The following VPS53 variants were observed in gnomAD, a reference collection of about 807,000 sequenced individuals.
VPS53 encodes the protein vacuolar protein sorting-associated protein 53 homolog.
VPS53 carries 70 observed loss-of-function variants against 107.0 expected under a neutral mutation model. The observed-to-expected ratio is 0.65, with a 90% CI of 0.54 to 0.80. The LOEUF (loss-of-function observed/expected upper bound fraction) is 0.80. VPS53 is among the 30% of genes least tolerant of loss of function. VPS53 has a pLI of 0.00. For synonymous variants in VPS53, 409 were observed against 393.3 expected, an observed-to-expected ratio of 1.04 and a Z score of -0.47; for missense variants, 917 against 1,049.4, an observed-to-expected ratio of 0.87 and a Z score of 1.74.
intron 13 of VPS53, among the ~76,000 whole-genome samples, chr17:570,501 A>G (rs1913942902): frequency 1.3e-5 from 2 of 152,192 alleles, no homozygotes; most frequent in Non-Finnish European, 2.9e-5. Flanking sequence ...TAATGAGGAA[A>G]CATCAGACAA....
intron 15 of VPS53, among the ~76,000 whole-genome samples, chr17:557,761 A>C (rs1912565047): frequency 6.6e-6 from 1 of 152,190 alleles, no homozygotes. Flanking sequence ...ATGGTCTTCA[A>C]CTTATTTCTA....
intron 4 of VPS53, among the ~76,000 whole-genome samples, chr17:676,930 G>T (rs962021159): frequency 1.3e-5 from 2 of 151,090 alleles, no homozygotes. Context: ...GAAACATGTT[G>T]TCTATATTAA....
intron 2 of VPS53, among the ~76,000 whole-genome samples, chr17:700,594 T>C (rs764185362): frequency 5.9e-5 from 9 of 152,278 alleles, no homozygotes; most frequent in Non-Finnish European, 1.2e-4. Context: ...TTTATAATTA[T>C]TGACTATGCA....
At chr17:591,633 T>C (rs1026423013) in intron 12 of VPS53, among the ~76,000 whole-genome samples, 25 of 152,212 alleles carry the variant, frequency 1.6e-4, no homozygotes, top group African/African-American at 5.8e-4. Flanking sequence ...CATTTCGTTA[T>C]GTACCCAGTA....
At chr17:553,695 C>T (rs763677916) in intron 15 of VPS53, among the ~76,000 whole-genome samples, 6 of 151,678 alleles carry the variant, frequency 4.0e-5, no homozygotes, top group Admixed American at 2.0e-4. Flanking sequence ...CTCAGCCTCC[C>T]GAGTAGCTGG....
At chr17:639,058 A>C (rs184539) in intron 7 of VPS53, among the ~76,000 whole-genome samples, 150,780 of 152,194 alleles carry the variant, frequency 0.99, 74,711 homozygotes, top group East Asian at 1. Context: ...GTACACCAAT[A>C]AGACGTAGAT....
intron 17 of VPS53, 200 bp downstream of exon 17, chr17:551,670 GTC>G: frequency 2.6e-6 from 1 of 388,900 alleles, no homozygotes; most frequent in Non-Finnish European, 4.7e-6. Flanking sequence ...GTGATGCTCT[GTC>G]TCATTCTAAA....
At chr17:673,961 A>G (rs760841872) in intron 4 of VPS53, 4 of 152,234 alleles carry the variant, frequency 2.6e-5, no homozygotes, top group Non-Finnish European at 5.9e-5. Context: ...CAGTGCCCAA[A>G]TAAGACTAAA....
At chr17:709,527 C>T (rs939443887) in intron 2 of VPS53, among the ~76,000 whole-genome samples, 8 of 152,210 alleles carry the variant, frequency 5.3e-5, no homozygotes, top group African/African-American at 1.4e-4. Context: ...TGTTTCCTTA[C>T]CGCACTGTCC....
Position 627,178 on chromosome 17 carries a change from T to C in VPS53, c.970A>G (p.Thr324Ala), listed in dbSNP as rs1969747735. Residue 324 changes from threonine (T) to alanine (A), a missense_variant, in exon 10 of 22, where the codon ACA becomes GCA. By Grantham distance (58) the Thr-to-Ala change is moderately conservative. Transcript: ENST00000437048. Reference protein sequence around the residue: ...ERIAVEFCHVTRAELAKIMRT... With the variant: ...ERIAVEFCHVARAELAKIMRT... ...CAGTAGAGAACTGGCATCTACCTTG[T>C]CACATGGCAAAATTCCACCGCAATC... The C allele has an allele frequency of 6.2e-7, 1 of 1,612,384 alleles. No individual in the cohort carries two copies. The highest frequency in any genetic ancestry group is 1.3e-5 in the African/African-American group (1 of 74,808).
intron 7 of VPS53, among the ~76,000 whole-genome samples, chr17:644,983 G>A (rs888427550): frequency 1.3e-5 from 2 of 152,188 alleles, no homozygotes; most frequent in African/African-American, 4.8e-5. Flanking sequence ...AAATCCTCCT[G>A]TGTTTGCAGC....
intron 5 of VPS53, chr17:656,779 C>G (rs1971208480): frequency 6.1e-6 from 7 of 1,148,274 alleles, no homozygotes; most frequent in South Asian, 2.5e-5. Flanking sequence ...TCTAACATGT[C>G]ACCCACGGAC....
chr17:627,450 G>C (rs970338021), intron 9 of VPS53, 134 bp from the exon 10 acceptor site: 1 of 1,201,952 alleles, frequency 8.3e-7, no homozygotes, highest in African/African-American at 1.6e-5. Flanking sequence ...AAGAATCTAG[G>C]CTACCTTTTT....
intron 2 of VPS53, among the ~76,000 whole-genome samples, chr17:701,473 G>A (rs565725811): frequency 6.6e-6 from 1 of 151,240 alleles, no homozygotes; most frequent in Non-Finnish European, 1.5e-5. Flanking sequence ...CGACTCCCTG[G>A]TTCAAGCGAT....
At chr17:713,973 A>T (rs1597525342) in intron 1 of VPS53, among the ~76,000 whole-genome samples, 1 of 143,446 alleles carries the variant, frequency 7.0e-6, no homozygotes, top group Middle Eastern at 3.7e-3. Flanking sequence ...TGAACTCGGG[A>T]GGCGGAGGTC....
rs752011079 is a variant in VPS53 at position 631,625 on chromosome 17, C to T, written c.612G>A (p.Val204=). 2.5e-6 allele frequency: 4 copies of T among 1,613,856 alleles called. No homozygotes were observed. The South Asian group carries it at 4.4e-5, about 18-fold the overall frequency. The part of the protein sequence containing the change: ...IPQIRQLSER[V]KAAQTELGQQ... ...GTCCTAACTCAGTCTGTGCAGCCTT[C>T]ACTCTGTGAGGAAGAGAGAACATAT... Residue 204 remains valine (V), a synonymous_variant, in exon 8 of 22, where the codon GTG becomes GTA. Transcript: ENST00000437048.
chr17:701,129 G>A (rs1973181654), intron 2 of VPS53, among the ~76,000 whole-genome samples: 1 of 151,956 alleles, frequency 6.6e-6, no homozygotes, highest in African/African-American at 2.4e-5. Context: ...TTCAAGACCA[G>A]CCCAGACAAT....
intron 17 of VPS53, among the ~76,000 whole-genome samples, chr17:541,490 G>A (rs1231133209): frequency 6.7e-6 from 1 of 149,934 alleles, no homozygotes; most frequent in Non-Finnish European, 1.5e-5. Flanking sequence ...ACCAGGGGCT[G>A]AAAGAATGTT....
At chr17:607,465 G>GA (rs1175270807) in intron 11 of VPS53, among the ~76,000 whole-genome samples, 6 of 152,220 alleles carry the variant, frequency 3.9e-5, no homozygotes, top group Admixed American at 3.3e-4. Context: ...TTACTGCTCA[G>GA]ACTGACTTGC....
Sources: allele counts gnomAD v4.1 joint callset (sites outside exome capture counted in the v4.1 genomes callset), GRCh38; gene constraint gnomAD v4.1.1; transcripts MANE v1.5; gene names NCBI Gene and HGNC (gene_info 2026-07-23, HGNC 2026-07-21).